Variants in SNAP91 observed in about 807,000 individuals in gnomAD.
The protein encoded by SNAP91 is clathrin coat assembly protein AP180.
Under a neutral mutation model 100.3 loss-of-function variants are expected in SNAP91, and 27 were observed. The ratio of observed to expected loss-of-function variants is 0.27; its 90% CI spans 0.20 to 0.37. The LOEUF (loss-of-function observed/expected upper bound fraction) is 0.37. Ranked by LOEUF, SNAP91 falls within the 10% of genes least tolerant of loss-of-function variation. The pLI, the probability that SNAP91 is intolerant of heterozygous loss-of-function variation, is 1.00. For synonymous variants in SNAP91, 404 were observed against 398.6 expected (o/e 1.01, Z -0.16); for missense variants, 986 against 1,123.7 (o/e 0.88, Z 1.75).
chr6:83,619,396 C>G (rs1277589893), intron 9 of SNAP91, among the ~76,000 whole-genome samples: 1 of 152,180 alleles, frequency 6.6e-6, no homozygotes, highest in Non-Finnish European at 1.5e-5. Flanking sequence ...TCCGGGCATG[C>G]AGTAGACAAT....
intron 25 of SNAP91, 145 bp from the exon 26 acceptor site, chr6:83,575,266 CT>C (rs1816423255): frequency 4.8e-6 from 3 of 628,278 alleles, no homozygotes; most frequent in Non-Finnish European, 8.3e-6. Flanking sequence ...GCAGTTAAAA[CT>C]TACAGAGGAA....
intron 2 of SNAP91, among the ~76,000 whole-genome samples, chr6:83,669,964 T>C (rs1283682625): frequency 6.6e-6 from 1 of 152,018 alleles, no homozygotes; most frequent in Non-Finnish European, 1.5e-5. Flanking sequence ...CATTTACATA[T>C]ATCTATTTAT....
chr6:83,680,163 A>T (rs1024382677), intron 2 of SNAP91, among the ~76,000 whole-genome samples: 3 of 152,134 alleles, frequency 2.0e-5, no homozygotes, highest in African/African-American at 7.2e-5. Flanking sequence ...ATTTAGGATT[A>T]AAGAGTTTAT....
chr6:83,679,946 A>G (rs1316421651), intron 2 of SNAP91, among the ~76,000 whole-genome samples: 1 of 152,174 alleles, frequency 6.6e-6, no homozygotes, highest in Non-Finnish European at 1.5e-5. Context: ...AGTTAACCTA[A>G]ATGAAAATAC....
In SNAP91 at chr6:83,614,308, G is replaced by A. The variant is rs577759413; in HGVS notation, c.884+549C>T. 1.4e-3 allele frequency among the ~76,000 whole-genome samples: 213 copies of A among 151,936 alleles called. 1 individual carries two copies. The highest frequency in any genetic ancestry group is 2.3e-3 in the Non-Finnish European group (156 of 67,960). ...ATTATAGAAACAGACAATATATAAA[G>A]GTATATCACAGAGTATTGCATAAAA... is the stretch of plus-strand genomic sequence containing the variant. On this transcript the variant is annotated intron_variant, in intron 11 of 29. Transcript: ENST00000369694.
At chr6:83,611,436 A>T (rs1169324251) in intron 11 of SNAP91, 1 of 456,064 alleles carries the variant, frequency 2.2e-6, no homozygotes. Flanking sequence ...AGAACAGCTC[A>T]CATTTTACTA....
Position 83,560,224 on chromosome 6 carries a change from G to A in SNAP91, c.2527-16C>T, listed in dbSNP as rs778116759. 6.2e-7 allele frequency: 1 copy of A among 1,601,304 alleles called. No individual in the cohort carries two copies. Among genetic ancestry groups the A allele is most frequent in the Non-Finnish European group, 8.6e-7 (1 of 1,168,844 alleles). On this transcript the variant is annotated splice_polypyrimidine_tract_variant and intron_variant, in intron 27 of 29. Transcript: ENST00000369694. ...CAGCAGGAGGCTGAGGAGGAAGAAT[G>A]GAGAGTGGTTCAGAGCATGAGTGGA...
chr6:83,604,587 G>A (rs2095495386), intron 14 of SNAP91, among the ~76,000 whole-genome samples: 1 of 152,042 alleles, frequency 6.6e-6, no homozygotes. Flanking sequence ...GACCACCAAA[G>A]GACATTCAAT....
chr6:83,562,698 C>T (rs1789923670), intron 26 of SNAP91, among the ~76,000 whole-genome samples: 1 of 152,218 alleles, frequency 6.6e-6, no homozygotes, highest in African/African-American at 2.4e-5. Context: ...CAACAACCAA[C>T]TCTCAGTCAC....
intron 26 of SNAP91, among the ~76,000 whole-genome samples, chr6:83,565,097 G>T (rs1374317060): frequency 1.3e-5 from 2 of 151,302 alleles, no homozygotes; most frequent in Non-Finnish European, 2.9e-5. Context: ...GGCTAAGGAT[G>T]TTATAGGGTA....
rs78234659 is a variant in SNAP91 at position 83,691,629 on chromosome 6, C to A, written c.130+16169G>T. Among the ~76,000 whole-genome samples, 466 of 152,210 alleles carry A rather than the reference C, an allele frequency of 3.1e-3. 2 individuals are homozygous for A. The highest frequency in any genetic ancestry group is 0.011 in the African/African-American group (439 of 41,558). On this transcript the variant is annotated intron_variant, in intron 2 of 29. Transcript: ENST00000369694. ...TTGGCATTTACGTCTTCAGCTCCAA[C>A]CTAAGAATAGTATACGATGCTGACC...
intron 11 of SNAP91, among the ~76,000 whole-genome samples, chr6:83,612,950 C>G (rs991650004): frequency 6.7e-6 from 1 of 150,050 alleles, no homozygotes; most frequent in Non-Finnish European, 1.5e-5. Flanking sequence ...AAACTAATAC[C>G]TAAAATATTA....
At chr6:83,696,050 G>A (rs2099205728) in intron 2 of SNAP91, among the ~76,000 whole-genome samples, 1 of 152,194 alleles carries the variant, frequency 6.6e-6, no homozygotes. Context: ...AAACTTCCAT[G>A]GGTACAGTCA....
At chr6:83,554,770 T>A (rs1292840539) in intron 29 of SNAP91, among the ~76,000 whole-genome samples, 2 of 152,200 alleles carry the variant, frequency 1.3e-5, no homozygotes, top group South Asian at 2.1e-4. Flanking sequence ...GGCGACCCGA[T>A]GCCTTTCCTC....
intron 26 of SNAP91, among the ~76,000 whole-genome samples, chr6:83,565,729 T>A (rs1795618161): frequency 6.6e-6 from 1 of 152,154 alleles, no homozygotes; most frequent in Admixed American, 6.5e-5. Context: ...CTGTTAGTCA[T>A]TAGGGAAATG....
chr6:83,703,728 G>A (rs1340307561), intron 2 of SNAP91, among the ~76,000 whole-genome samples: 1 of 152,136 alleles, frequency 6.6e-6, no homozygotes, highest in East Asian at 1.9e-4. Context: ...TTCAGAACTT[G>A]AAGCACTTGC....
intron 22 of SNAP91, among the ~76,000 whole-genome samples, chr6:83,584,056 C>A (rs1178633265): frequency 6.6e-6 from 1 of 152,092 alleles, no homozygotes; most frequent in Non-Finnish European, 1.5e-5. Flanking sequence ...TTATCCCAGC[C>A]AAGGTAGGTT....
chr6:83,617,984 T>A (rs2096568760), intron 9 of SNAP91, among the ~76,000 whole-genome samples: 1 of 151,836 alleles, frequency 6.6e-6, no homozygotes. Context: ...TGAAATTAAT[T>A]TTGAAGGACA....
At chr6:83,583,853 C>A (rs921571735) in intron 22 of SNAP91, among the ~76,000 whole-genome samples, 1 of 151,956 alleles carries the variant, frequency 6.6e-6, no homozygotes, top group African/African-American at 2.4e-5. Context: ...TATGTTATTC[C>A]TAGAAATTGA....
Sources: allele counts gnomAD v4.1 joint callset (sites outside exome capture counted in the v4.1 genomes callset), GRCh38; gene constraint gnomAD v4.1.1; transcripts MANE v1.5; gene names NCBI Gene and HGNC (gene_info 2026-07-23, HGNC 2026-07-21).